The following RALGAPA2 variants were observed in gnomAD, a reference collection of about 807,000 sequenced individuals.
RALGAPA2 encodes the protein Ral GTPase activating protein catalytic subunit alpha 2.
RALGAPA2 carries 139 observed loss-of-function variants against 230.4 expected under a neutral mutation model. That is an observed-to-expected ratio of 0.60 (90% confidence interval 0.53 to 0.69). The LOEUF (loss-of-function observed/expected upper bound fraction) is 0.69. Ranked by LOEUF, RALGAPA2 falls within the 30% of genes least tolerant of loss-of-function variation. The pLI, the probability that RALGAPA2 is intolerant of heterozygous loss-of-function variation, is 0.00. For missense variants in RALGAPA2, 2,163 were observed against 2,276.0 expected (o/e 0.95, Z 1.01); for synonymous variants, 847 against 837.8 (o/e 1.01, Z -0.19).
intron 1 of RALGAPA2, among the ~76,000 whole-genome samples, chr20:20,683,565 C>A (rs987967983): frequency 6.6e-6 from 1 of 152,160 alleles, no homozygotes; most frequent in Admixed American, 6.5e-5. Flanking sequence ...CAGGATGCTA[C>A]CCCCACTCCC....
At chr20:20,596,195 C>T (rs543887460) in intron 16 of RALGAPA2, among the ~76,000 whole-genome samples, 4 of 152,200 alleles carry the variant, frequency 2.6e-5, no homozygotes, top group East Asian at 1.9e-4. Context: ...CTGCTGCTGC[C>T]GCCAAATACA....
At chr20:20,465,984 G>A (rs926630911) in intron 37 of RALGAPA2, among the ~76,000 whole-genome samples, 8 of 152,216 alleles carry the variant, frequency 5.3e-5, no homozygotes, top group Admixed American at 1.3e-4. Context: ...TGCAGGTAAC[G>A]TTTGCTGGGC....
At chr20:20,488,188 A>C (rs1168705459) in intron 36 of RALGAPA2, among the ~76,000 whole-genome samples, 1 of 152,214 alleles carries the variant, frequency 6.6e-6, no homozygotes, top group Non-Finnish European at 1.5e-5. Flanking sequence ...GGACCCACAC[A>C]GTTCAAACCC....
intron 20 of RALGAPA2, among the ~76,000 whole-genome samples, chr20:20,582,483 T>A (rs2065017018): frequency 6.6e-6 from 1 of 152,140 alleles, no homozygotes. Context: ...TCATTTTTTT[T>A]AAGTTTAGAA....
At chr20:20,694,971 G>C (rs2069055349) in intron 1 of RALGAPA2, among the ~76,000 whole-genome samples, 1 of 152,246 alleles carries the variant, frequency 6.6e-6, no homozygotes, top group East Asian at 1.9e-4. Context: ...ACCAGAAAAA[G>C]CTATAAAGCT....
In RALGAPA2 at chr20:20,571,937, T is replaced by G; in HGVS notation, c.2911A>C (p.Asn971His). ...TGGTTATCCAGGCTTATTGCTAGAT[T>G]ATCCCGTATCTAATTCACAAAGAGG... ...LWYKLAKIRD[N>H]LAISLDNQSS... is the part of the protein sequence containing the mutation. Residue 971 changes from asparagine (N) to histidine (H), a missense_variant, in exon 22 of 40, where the codon AAT becomes CAT. By Grantham distance (68) the Asn-to-His change is moderately conservative. Coordinates refer to ENST00000202677, the MANE Select transcript of RALGAPA2 (RefSeq NM_020343.4). The G allele has an allele frequency of 6.2e-7, 1 of 1,603,610 alleles. No individual in the cohort carries two copies. The highest frequency in any genetic ancestry group is 8.5e-7 in the Non-Finnish European group (1 of 1,173,126).
chr20:20,680,303 G>A (rs940094428), intron 2 of RALGAPA2, among the ~76,000 whole-genome samples: 16 of 152,250 alleles, frequency 1.1e-4, no homozygotes, highest in Non-Finnish European at 2.2e-4. Context: ...GGAAGGAGAT[G>A]CAGGAAATCT....
At position 20,504,160 on chromosome 20, in the gene RALGAPA2, CATAT is replaced by C. The variant is rs145300870; in HGVS notation, c.5053-658_5053-655del. ...TCTCTTCTGTGCCAAATAGAGTAAA[CATAT>C]ACTCTCAAAACTCTAATTGATAATG... On this transcript the variant is annotated intron_variant, in intron 34 of 39. Coordinates refer to ENST00000202677, the MANE Select transcript of RALGAPA2 (RefSeq NM_020343.4). 1.1e-3 allele frequency among the ~76,000 whole-genome samples: 165 copies of C among 152,176 alleles called. 3 individuals are homozygous for C. The East Asian group carries it at 0.026, about 24-fold the overall frequency.
intron 33 of RALGAPA2, among the ~76,000 whole-genome samples, chr20:20,506,108 T>G (rs1473161572): frequency 1.3e-5 from 2 of 152,064 alleles, no homozygotes; most frequent in African/African-American, 4.8e-5. Flanking sequence ...ATGAAGGGGT[T>G]TACCAACTTC....
chr20:20,514,374 A>G (rs1297437384), intron 31 of RALGAPA2, among the ~76,000 whole-genome samples: 1 of 152,078 alleles, frequency 6.6e-6, no homozygotes, highest in Non-Finnish European at 1.5e-5. Flanking sequence ...TCTCTGCTTC[A>G]TGCTTAGGCA....
intron 1 of RALGAPA2, among the ~76,000 whole-genome samples, chr20:20,690,162 A>C (rs59703010): frequency 0.011 from 1,695 of 152,176 alleles, 30 homozygotes; most frequent in African/African-American, 0.039. Flanking sequence ...ATCTGCACCC[A>C]CTTTAGCATA....
At chr20:20,541,401 T>C (rs184644526) in intron 24 of RALGAPA2, among the ~76,000 whole-genome samples, 121 of 152,328 alleles carry the variant, frequency 7.9e-4, no homozygotes, top group African/African-American at 2.8e-3. Flanking sequence ...CTGCTAATAA[T>C]GAAATAGAAC....
intron 24 of RALGAPA2, among the ~76,000 whole-genome samples, chr20:20,540,087 T>C (rs965434889): frequency 3.3e-5 from 5 of 152,248 alleles, no homozygotes; most frequent in African/African-American, 1.2e-4. Flanking sequence ...CAGATATTTC[T>C]TCAACATACT....
At chr20:20,421,469 G>T (rs543328775) in intron 37 of RALGAPA2, among the ~76,000 whole-genome samples, 1 of 152,128 alleles carries the variant, frequency 6.6e-6, no homozygotes, top group South Asian at 2.1e-4. Context: ...TCAGGAGTTC[G>T]AGACCAGCCT....
chr20:20,570,676 CTCCA>C (rs2064598820), intron 23 of RALGAPA2, among the ~76,000 whole-genome samples: 2 of 152,094 alleles, frequency 1.3e-5, no homozygotes, highest in African/African-American at 4.8e-5. Context: ...CCTAATTGTT[CTCCA>C]TCTACAGGCC....
intron 34 of RALGAPA2, 134 bp from the exon 35 acceptor site, chr20:20,503,640 A>G: frequency 1.4e-6 from 1 of 704,120 alleles, no homozygotes. Context: ...AAACAAATGT[A>G]ATACAAAGTT....
intron 14 of RALGAPA2, among the ~76,000 whole-genome samples, chr20:20,609,339 C>T (rs1005033893): frequency 1.3e-5 from 2 of 152,126 alleles, no homozygotes; most frequent in African/African-American, 4.8e-5. Context: ...CTCGATCTAC[C>T]TAACCACTGC....
chr20:20,614,428 G>A (rs1195132954), intron 13 of RALGAPA2, among the ~76,000 whole-genome samples: 1 of 152,144 alleles, frequency 6.6e-6, no homozygotes, highest in African/African-American at 2.4e-5. Context: ...AAATGATGTT[G>A]ATAAAACTAT....
At chr20:20,508,361 A>G (rs1376969728) in intron 33 of RALGAPA2, among the ~76,000 whole-genome samples, 1 of 152,226 alleles carries the variant, frequency 6.6e-6, no homozygotes, top group African/African-American at 2.4e-5. Flanking sequence ...GAAATTAACA[A>G]TCTTCCCTTC....
Sources: gnomAD v4.1 joint callset for allele counts (sites outside exome capture counted in the v4.1 genomes callset) on GRCh38, gnomAD v4.1.1 for gene constraint, MANE v1.5 for transcripts, NCBI Gene and HGNC (gene_info 2026-07-23, HGNC 2026-07-21) for gene names.